Variants in HDAC9 observed in about 807,000 individuals in gnomAD.
HDAC9 encodes histone deacetylase 9.
HDAC9 carries 41 observed loss-of-function variants against 139.4 expected under a neutral mutation model. That is an observed-to-expected ratio of 0.29 (90% CI 0.23 to 0.38). The LOEUF is 0.38. Among genes scored for constraint, HDAC9 ranks in the 10% least tolerant of loss-of-function variants. HDAC9 has a pLI of 1.00. For missense variants in HDAC9, 1,147 were observed against 1,297.0 expected, an observed-to-expected ratio of 0.88 and a Z score of 1.78; for synonymous variants, 517 against 476.2, an observed-to-expected ratio of 1.09 and a Z score of -1.12.
chr7:18,330,222 A>G (rs1800811211), intron 1 of HDAC9, among the ~76,000 whole-genome samples: 1 of 151,676 alleles, frequency 6.6e-6, no homozygotes, highest in African/African-American at 2.4e-5. Context: ...AATTCTTCAC[A>G]CTTTAGTGAA....
rs1301780276 is a variant in HDAC9, at chr7:19,001,951, T to C, written c.*5889T>C. 6.6e-6 allele frequency: 1 copy of C among 152,132 alleles called. No individual in the cohort carries two copies. Among genetic ancestry groups the C allele is most frequent in the African/African-American group, 2.4e-5 (1 of 41,472 alleles). The allele number at this position is 152,132 out of a possible 1,614,324, so 9.4% of individuals were successfully genotyped here. On this transcript the variant is annotated 3_prime_UTR_variant, in exon 26 of 26. Coordinates refer to ENST00000686413, the MANE Select transcript of HDAC9 (RefSeq NM_178425.4). Reference sequence around the variant, plus strand: ...TATGTATGCCAATAGCCTAGAATTTTTGGCTTAGTGTAAAATAAAAATGTC... The same window carrying C: ...TATGTATGCCAATAGCCTAGAATTTCTGGCTTAGTGTAAAATAAAAATGTC...
At chr7:18,488,424 T>C (rs190877887) in intron 1 of HDAC9, among the ~76,000 whole-genome samples, 1 of 152,154 alleles carries the variant, frequency 6.6e-6, no homozygotes, top group Non-Finnish European at 1.5e-5. Flanking sequence ...AGTTATCTTA[T>C]ATGAAACATT....
rs189312933 is a variant in HDAC9, at chr7:18,889,713, G to C, written c.2803+15117G>C. Among the ~76,000 whole-genome samples the C allele has an allele frequency of 7.9e-5, 12 of 152,158 alleles. No homozygotes were observed. In the East Asian group the frequency reaches 2.3e-3, roughly 29 times the overall value. ...TGCCACTTTTCTTCTTTGTTTTGTC[G>C]TTGAGATAGTGTCTTGCTCTGTCAC... On this transcript the variant is annotated intron_variant, in intron 22 of 25. Coordinates refer to ENST00000686413, the MANE Select transcript of HDAC9 (RefSeq NM_178425.4).
At chr7:18,894,606 A>G (rs1041747834) in intron 22 of HDAC9, among the ~76,000 whole-genome samples, 1 of 152,084 alleles carries the variant, frequency 6.6e-6, no homozygotes, top group Non-Finnish European at 1.5e-5. Context: ...GCACATATAG[A>G]CTGCTGCTCT....
chr7:18,099,967 C>T (rs1338952625), intron 1 of HDAC9, among the ~76,000 whole-genome samples: 1 of 152,138 alleles, frequency 6.6e-6, no homozygotes, highest in Non-Finnish European at 1.5e-5. Context: ...CCTCTGATAT[C>T]CTCTTCCTTC....
chr7:18,705,783 G>A (rs112449301), intron 12 of HDAC9, among the ~76,000 whole-genome samples: 2,609 of 150,430 alleles, frequency 0.017, 95 homozygotes, highest in African/African-American at 0.062. Context: ...AACCTGGGAG[G>A]TGGAGGCTGC....
intron 21 of HDAC9, among the ~76,000 whole-genome samples, chr7:18,872,027 G>A (rs1798961155): frequency 6.6e-6 from 1 of 152,090 alleles, no homozygotes; most frequent in Non-Finnish European, 1.5e-5. Context: ...ATAACCATCT[G>A]TTGCTATGTA....
intron 25 of HDAC9, among the ~76,000 whole-genome samples, chr7:18,993,513 G>C (rs556666586): frequency 1.3e-5 from 2 of 152,294 alleles, no homozygotes; most frequent in East Asian, 3.9e-4. Context: ...ACGCTGGGGA[G>C]AATTGAGGCT....
At chr7:18,451,905 G>C (rs1792904261) in intron 1 of HDAC9, among the ~76,000 whole-genome samples, 1 of 152,106 alleles carries the variant, frequency 6.6e-6, no homozygotes, top group Non-Finnish European at 1.5e-5. Context: ...TTATGGCTTT[G>C]GGAACAGCAT....
chr7:18,620,555 G>A (rs1282047484), intron 6 of HDAC9, among the ~76,000 whole-genome samples: 1 of 148,970 alleles, frequency 6.7e-6, no homozygotes, highest in Admixed American at 6.7e-5. Context: ...GGAAAAAATA[G>A]CAAATTTGTA....
At chr7:18,696,320 T>TA (rs1783038935) in intron 12 of HDAC9, among the ~76,000 whole-genome samples, 1 of 148,950 alleles carries the variant, frequency 6.7e-6, no homozygotes, top group Non-Finnish European at 1.5e-5. Context: ...TACATAACTA[T>TA]ATTATAATTA....
intron 2 of HDAC9, among the ~76,000 whole-genome samples, chr7:18,273,055 CGTT>C (rs1562821399): frequency 1.5e-5 from 1 of 68,236 alleles, no homozygotes; most frequent in Admixed American, 2.1e-4. Flanking sequence ...TCCCCTTCTT[CGTT>C]TTTTTTTTTT....
intron 2 of HDAC9, among the ~76,000 whole-genome samples, chr7:18,501,866 T>C (rs1012649103): frequency 6.6e-6 from 1 of 152,196 alleles, no homozygotes; most frequent in African/African-American, 2.4e-5. Context: ...GTAGGTATAT[T>C]AGTTAGGTTG....
At chr7:18,631,357 T>G (rs575984087) in intron 7 of HDAC9, among the ~76,000 whole-genome samples, 9 of 152,078 alleles carry the variant, frequency 5.9e-5, no homozygotes, top group Non-Finnish European at 1.0e-4. Flanking sequence ...TATTTTTAAC[T>G]GGTATACCGC....
At chr7:18,555,940 T>G (rs1818661774) in intron 2 of HDAC9, among the ~76,000 whole-genome samples, 1 of 152,102 alleles carries the variant, frequency 6.6e-6, no homozygotes. Flanking sequence ...CATAGGTTGG[T>G]CTACACTCCA....
intron 2 of HDAC9, among the ~76,000 whole-genome samples, chr7:18,247,937 G>A (rs1352784972): frequency 6.6e-6 from 1 of 152,020 alleles, no homozygotes; most frequent in Non-Finnish European, 1.5e-5. Flanking sequence ...TTATAGGTTA[G>A]CTTATAACTG....
intron 17 of HDAC9, among the ~76,000 whole-genome samples, chr7:18,823,550 G>A (rs1795144393): frequency 1.3e-5 from 2 of 152,158 alleles, no homozygotes; most frequent in African/African-American, 4.8e-5. Context: ...TTGAAAGTAT[G>A]TCTGTGCCTC....
intron 1 of HDAC9, among the ~76,000 whole-genome samples, chr7:18,367,509 A>C (rs765293788): frequency 5.9e-5 from 9 of 152,150 alleles, no homozygotes; most frequent in African/African-American, 9.7e-5. Context: ...AGAAATTACA[A>C]TGGTGTTTGC....
At chr7:18,675,836 G>A (rs985567311) in intron 12 of HDAC9, among the ~76,000 whole-genome samples, 2 of 151,968 alleles carry the variant, frequency 1.3e-5, no homozygotes, top group Non-Finnish European at 2.9e-5. Flanking sequence ...TTCTTTGGGA[G>A]ACCCTGTGAG....
Sources: gnomAD v4.1 joint callset for allele counts (sites outside exome capture counted in the v4.1 genomes callset) on GRCh38, gnomAD v4.1.1 for gene constraint, MANE v1.5 for transcripts, NCBI Gene and HGNC (gene_info 2026-07-23, HGNC 2026-07-21) for gene names.